The following TPO variants were observed in gnomAD, a reference collection of about 807,000 sequenced individuals.
TPO encodes thyroid microsomal antigen.
TPO carries 78 observed loss-of-function variants against 96.9 expected under a neutral mutation model. That is an observed-to-expected ratio of 0.81 (90% CI 0.67 to 0.97). The LOEUF is 0.97. TPO is among the 50% of genes least tolerant of loss of function. The pLI, the probability that TPO is intolerant of heterozygous loss-of-function variation, is 0.00. For missense variants in TPO, 1,252 were observed against 1,274.8 expected, an observed-to-expected ratio of 0.98 and a Z score of 0.27; for synonymous variants, 547 against 538.0, an observed-to-expected ratio of 1.02 and a Z score of -0.23.
At chr2:1,449,111 C>T (rs984220027) in intron 5 of TPO, among the ~76,000 whole-genome samples, 5 of 152,216 alleles carry the variant, frequency 3.3e-5, no homozygotes, top group East Asian at 1.9e-4. Flanking sequence ...CTGGGGGAGA[C>T]GATCAGGTCT....
Position 1,436,275 on chromosome 2 carries a change from A to G in TPO, c.373A>G (p.Ser125Gly), listed in dbSNP as rs757761862. 5 of 1,614,234 alleles carry G rather than the reference A, an allele frequency of 3.1e-6. No individual in the cohort carries two copies. The highest frequency in any genetic ancestry group is 4.2e-6 in the Non-Finnish European group (5 of 1,180,042). The change falls in exon 5 of 17, where the codon AGC becomes GGC. Residue 125 changes from serine to glycine, a missense_variant. By Grantham distance (56) the Ser-to-Gly change is moderately conservative. Coordinates refer to ENST00000329066, the MANE Select transcript of TPO (RefSeq NM_001206744.2). ...PTDALSEDLL[S>G]IIANMSGCLP... is the part of the protein sequence containing the mutation. ...AGATGCTTTATCAGAAGATCTGCTGAGCATCATTGCAAACATGTCTGGATG... is the reference window on the plus strand; with the variant it reads ...AGATGCTTTATCAGAAGATCTGCTGGGCATCATTGCAAACATGTCTGGATG...
intron 2 of TPO, among the ~76,000 whole-genome samples, chr2:1,419,924 G>T (rs868511162): frequency 7.0e-4 from 107 of 152,166 alleles, no homozygotes; most frequent in African/African-American, 2.3e-3. Flanking sequence ...TGCAGGGAGA[G>T]AAAAGGTTTC....
intron 3 of TPO, among the ~76,000 whole-genome samples, chr2:1,432,310 G>A (rs533232880): frequency 1.2e-4 from 18 of 152,250 alleles, no homozygotes; most frequent in Non-Finnish European, 1.9e-4. Context: ...CCAGGTGTTG[G>A]CAGCATTGTT....
chr2:1,474,358 C>T (rs186681352), intron 7 of TPO, among the ~76,000 whole-genome samples: 1,733 of 152,214 alleles, frequency 0.011, 14 homozygotes, highest in Non-Finnish European at 0.015. Flanking sequence ...TGATTTGCTG[C>T]CCTATCTTTT....
At chr2:1,529,927 T>G (rs4927595) in intron 15 of TPO, among the ~76,000 whole-genome samples, 51,998 of 74,668 alleles carry the variant, frequency 0.7, 15,739 homozygotes, top group South Asian at 0.78. Flanking sequence ...AACCCCCCCC[T>G]TGCAGCCTCC....
At chr2:1,535,148 TCCCCCCC>T (rs59350748) in intron 15 of TPO, among the ~76,000 whole-genome samples, 9 of 9,268 alleles carry the variant, frequency 9.7e-4, no homozygotes, top group Admixed American at 3.3e-3. Flanking sequence ...CCTCCCCAAA[TCCCCCCC>T]CCCCCCATTG....
At chr2:1,433,359 CT>C in intron 3 of TPO, 78 bp from the exon 4 acceptor site, 1 of 1,547,664 alleles carries the variant, frequency 6.5e-7, no homozygotes. Flanking sequence ...CAATAAATGT[CT>C]GCTTAATTAA....
chr2:1,387,963 G>C (rs1027790326), intron 1 of TPO, among the ~76,000 whole-genome samples: 4 of 152,212 alleles, frequency 2.6e-5, no homozygotes, highest in African/African-American at 9.6e-5. Flanking sequence ...GTTGGAGTTT[G>C]CTGGAGGTCC....
chr2:1,526,197 C>T (rs1299364194), intron 15 of TPO, among the ~76,000 whole-genome samples: 2 of 103,930 alleles, frequency 1.9e-5, no homozygotes, highest in Admixed American at 1.0e-4. Context: ...AATCCCCCCA[C>T]TGTGTGCAAC....
intron 1 of TPO, among the ~76,000 whole-genome samples, chr2:1,375,778 C>T (rs1425701847): frequency 2.6e-5 from 4 of 152,160 alleles, no homozygotes; most frequent in African/African-American, 9.7e-5. Context: ...TCCAACCCTG[C>T]AGGCATTGCT....
At chr2:1,483,239 T>C (rs1409955856) in intron 8 of TPO, among the ~76,000 whole-genome samples, 1 of 152,172 alleles carries the variant, frequency 6.6e-6, no homozygotes. Flanking sequence ...CGGGCACAGG[T>C]GGAGCTGCTG....
At chr2:1,480,783 T>C (rs1340073788) in intron 8 of TPO, among the ~76,000 whole-genome samples, 1 of 151,918 alleles carries the variant, frequency 6.6e-6, no homozygotes, top group Non-Finnish European at 1.5e-5. Flanking sequence ...CCTGCATCCG[T>C]CCACACCACC....
chr2:1,410,668 T>C (rs1662318742), upstream of TPO, among the ~76,000 whole-genome samples: 1 of 152,152 alleles, frequency 6.6e-6, no homozygotes. Context: ...GTCTTCTCGG[T>C]GGGCCCGGGA....
At chr2:1,480,196 A>G (rs1670406299) in intron 8 of TPO, among the ~76,000 whole-genome samples, 1 of 152,204 alleles carries the variant, frequency 6.6e-6, no homozygotes, top group South Asian at 2.1e-4. Flanking sequence ...CTTTTTAAAA[A>G]ACTGTGAACA....
intron 13 of TPO, 152 bp from the exon 14 acceptor site, chr2:1,503,796 G>A (rs774563886): frequency 5.0e-5 from 70 of 1,403,552 alleles, no homozygotes; most frequent in Non-Finnish European, 6.5e-5. Flanking sequence ...TGTGCCGGGA[G>A]CAGGGGGCGG....
intron 3 of TPO, among the ~76,000 whole-genome samples, chr2:1,433,185 T>C (rs1665200225): frequency 6.6e-6 from 1 of 152,186 alleles, no homozygotes; most frequent in Non-Finnish European, 1.5e-5. Context: ...GGCAGTTTTG[T>C]AAAGGGCAAG....
At chr2:1,464,346 C>T (rs547738475) in intron 7 of TPO, among the ~76,000 whole-genome samples, 14 of 152,274 alleles carry the variant, frequency 9.2e-5, no homozygotes, top group African/African-American at 1.2e-4. Flanking sequence ...GTGAATTGTG[C>T]GGCTATAAAC....
At position 1,542,663 on chromosome 2, in the gene TPO, T is replaced by TTCTTGTAAACA; in HGVS notation, c.*191_*201dup. 1 of 1,517,072 alleles carries TTCTTGTAAACA rather than the reference T, an allele frequency of 6.6e-7. No individual in the cohort carries two copies. The allele number at this position is 1,517,072 out of a possible 1,614,324, so 94.0% of individuals were successfully genotyped here. On this transcript the variant is annotated 3_prime_UTR_variant, in exon 17 of 17. Transcript: ENST00000329066. ...GTTATAGCTGCATTTGTCTGGCCTT[T>TTCTTGTAAACA]TCTTGTAAACATTGCCTGATTTGTT...
chr2:1,479,864 C>T (rs1040003016), intron 8 of TPO, among the ~76,000 whole-genome samples: 1 of 152,018 alleles, frequency 6.6e-6, no homozygotes, highest in African/African-American at 2.4e-5. Flanking sequence ...TCACTGCAAC[C>T]ACCACCTCCC....
Sources: gnomAD v4.1 joint callset for allele counts (sites outside exome capture counted in the v4.1 genomes callset) on GRCh38, gnomAD v4.1.1 for gene constraint, MANE v1.5 for transcripts, NCBI Gene and HGNC (gene_info 2026-07-23, HGNC 2026-07-21) for gene names.